Variants in APC observed in about 807,000 individuals in gnomAD.
The protein encoded by APC is adenomatous polyposis coli protein.
In APC, 72 loss-of-function variants were observed where a neutral mutation model predicts 247.0. That is an observed-to-expected ratio of 0.29 (90% confidence interval 0.24 to 0.35). The LOEUF (loss-of-function observed/expected upper bound fraction) is 0.35. APC is among the 10% of genes least tolerant of loss of function. The pLI is 1.00. For synonymous variants in APC, 1,254 were observed against 1,162.5 expected (o/e 1.08, Z -1.60); for missense variants, 3,400 against 3,360.7 (o/e 1.01, Z -0.29).
chr5:112,816,126 G>T (rs184810721), intron 9 of APC, among the ~76,000 whole-genome samples: 1 of 152,098 alleles, frequency 6.6e-6, no homozygotes, highest in African/African-American at 2.4e-5. Context: ...TCCCTTCCTT[G>T]CCTGCATTGG....
intron 1 of APC, among the ~76,000 whole-genome samples, chr5:112,709,381 TTA>T (rs1750717756): frequency 6.6e-6 from 1 of 152,210 alleles, no homozygotes; most frequent in South Asian, 2.1e-4. Flanking sequence ...AGGAATATTT[TTA>T]TGTTTGCTTC....
At chr5:112,742,822 G>A (rs1216731964) in intron 1 of APC, among the ~76,000 whole-genome samples, 2 of 152,096 alleles carry the variant, frequency 1.3e-5, no homozygotes, top group East Asian at 1.9e-4. Context: ...AAAGGAGTAG[G>A]GTCAAAGAAT....
intron 1 of APC, among the ~76,000 whole-genome samples, chr5:112,754,625 A>C (rs896920612): frequency 1.3e-5 from 2 of 152,190 alleles, no homozygotes; most frequent in African/African-American, 4.8e-5. Flanking sequence ...TGAGAAGGCA[A>C]ATGTATTCAG....
intron 1 of APC, among the ~76,000 whole-genome samples, chr5:112,742,979 C>T (rs574994199): frequency 2.6e-5 from 4 of 152,290 alleles, no homozygotes; most frequent in African/African-American, 7.2e-5. Flanking sequence ...TAAGAGAACA[C>T]AAATGTATTA....
intron 1 of APC, among the ~76,000 whole-genome samples, chr5:112,719,995 C>G (rs1296060968): frequency 6.6e-6 from 1 of 152,056 alleles, no homozygotes; most frequent in African/African-American, 2.4e-5. Flanking sequence ...GTACAATTTG[C>G]GTTTGAATTC....
chr5:112,795,104 G>A (rs1355398032), intron 7 of APC, among the ~76,000 whole-genome samples: 3 of 152,158 alleles, frequency 2.0e-5, no homozygotes, highest in Non-Finnish European at 4.4e-5. Flanking sequence ...TTGGCACACT[G>A]CAACCTCCGC....
intron 14 of APC, chr5:112,829,439 A>G (rs1187196442): frequency 5.9e-6 from 1 of 169,702 alleles, no homozygotes; most frequent in Non-Finnish European, 1.3e-5. Flanking sequence ...CCCAGCCTAG[A>G]TTCCCTAATT....
Position 112,843,583 on chromosome 5 carries a change from CTG to C in APC, c.7991_7992del (p.Cys2664SerfsTer3). On this transcript the variant is annotated frameshift_variant, in exon 16 of 16. Coordinates refer to ENST00000257430, the MANE Select transcript of APC (RefSeq NM_000038.6). LOFTEE classifies it high-confidence loss of function. This position sits in a 1 kb window ranked among gnomAD's most constrained non-coding sequence, Gnocchi z 4.8. ...TEDVWVRIED[C>X]PINNPRSGRS... ...AGGATGTTTGGGTGAGAATTGAGGA[CTG>C]TCCCATTAACAATCCTAGATCTGGA... The C allele has an allele frequency of 6.2e-7, 1 of 1,613,942 alleles. No homozygotes were observed. Among genetic ancestry groups the C allele is most frequent in the Non-Finnish European group, 8.5e-7 (1 of 1,179,874 alleles).
intron 2 of APC, among the ~76,000 whole-genome samples, chr5:112,763,868 A>AAGC (rs1430194396): frequency 5.3e-5 from 8 of 152,230 alleles, no homozygotes; most frequent in Non-Finnish European, 1.2e-4. Context: ...ATGTTTTAAC[A>AAGC]AGGTCTTCAG....
intron 1 of APC, among the ~76,000 whole-genome samples, chr5:112,754,432 C>T (rs1339658601): frequency 6.6e-6 from 1 of 152,086 alleles, no homozygotes; most frequent in Non-Finnish European, 1.5e-5. Flanking sequence ...TATGTAATCT[C>T]ATTAATCCAT....
chr5:112,804,319 C>T (rs1761138830), intron 8 of APC, among the ~76,000 whole-genome samples: 1 of 152,116 alleles, frequency 6.6e-6, no homozygotes, highest in Non-Finnish European at 1.5e-5. Context: ...GTATGCCAGC[C>T]AACTAATATG....
chr5:112,721,306 C>G (rs143511106), intron 1 of APC, among the ~76,000 whole-genome samples: 1 of 152,010 alleles, frequency 6.6e-6, no homozygotes, highest in East Asian at 1.9e-4. Flanking sequence ...CCCAGCTACT[C>G]GAGAGGCTGA....
Position 112,754,870 on chromosome 5 carries a change from TAGGTCCAAGGGTAGCCAAGG to T in APC, c.-18-1_1del. ...AATTTCAAAATCCTTTTTAACCTTA[TAGGTCCAAGGGTAGCCAAGG>T]ATGGCTGCAGCTTCATATGATCAGT... On this transcript the variant is annotated splice_acceptor_variant and 5_prime_UTR_variant, in exon 2 of 16. Transcript: ENST00000257430. LOFTEE classifies it low-confidence loss of function (5UTR_SPLICE). 6.2e-7 allele frequency: 1 copy of T among 1,613,284 alleles called. No individual in the cohort carries two copies. The highest frequency in any genetic ancestry group is 8.5e-7 in the Non-Finnish European group (1 of 1,179,440).
At chr5:112,833,319 A>T (rs1013779060) in intron 14 of APC, among the ~76,000 whole-genome samples, 1 of 151,350 alleles carries the variant, frequency 6.6e-6, no homozygotes, top group Non-Finnish European at 1.5e-5. Context: ...AGTAGCTAGG[A>T]TTACAGGTGC....
chr5:112,803,949 C>T (rs536132534), intron 8 of APC, among the ~76,000 whole-genome samples: 124 of 152,248 alleles, frequency 8.1e-4, no homozygotes, highest in African/African-American at 2.8e-3. Flanking sequence ...ATATTAGAAT[C>T]CAGATTCTTC....
At chr5:112,747,981 A>AT (rs1403308157) in intron 1 of APC, among the ~76,000 whole-genome samples, 91 of 152,302 alleles carry the variant, frequency 6.0e-4, no homozygotes, top group Non-Finnish European at 3.4e-4. Context: ...ATGCCCATCT[A>AT]TTTATGTGTT....
chr5:112,726,881 A>G (rs1751814233), intron 1 of APC, among the ~76,000 whole-genome samples: 1 of 152,142 alleles, frequency 6.6e-6, no homozygotes, highest in African/African-American at 2.4e-5. Flanking sequence ...ACATTGATCT[A>G]TTTTGAAAAA....
chr5:112,766,533 C>G, intron 3 of APC, 123 bp downstream of exon 3: 1 of 670,994 alleles, frequency 1.5e-6, no homozygotes, highest in South Asian at 1.8e-5. Context: ...GGTATGTTAG[C>G]CTTACCCTCA....
chr5:112,780,651 G>A, intron 5 of APC, 139 bp from the exon 6 acceptor site: 1 of 635,572 alleles, frequency 1.6e-6, no homozygotes, highest in Non-Finnish European at 2.8e-6. Flanking sequence ...ACTCCTTGGA[G>A]TAAAAAATAA....
Sources: gnomAD v4.1 joint callset for allele counts (sites outside exome capture counted in the v4.1 genomes callset) on GRCh38, gnomAD v4.1.1 for gene constraint, Gnocchi (gnomAD v3.1) non-coding constraint, MANE v1.5 for transcripts, NCBI Gene and HGNC (gene_info 2026-07-23, HGNC 2026-07-21) for gene names.